The following UTRN variants were observed in gnomAD, a reference collection of about 807,000 sequenced individuals.
UTRN encodes utrophin, also known as dystrophin-related protein 1.
In UTRN, 283 loss-of-function variants were observed where a neutral mutation model predicts 463.9. The ratio of observed to expected loss-of-function variants is 0.61; its 90% CI spans 0.55 to 0.67. UTRN has a LOEUF of 0.67. UTRN is among the 30% of genes least tolerant of loss of function. UTRN has a pLI of 0.00. For missense variants in UTRN, 3,922 were observed against 4,084.3 expected, an observed-to-expected ratio of 0.96 and a Z score of 1.08; for synonymous variants, 1,442 against 1,431.5, an observed-to-expected ratio of 1.01 and a Z score of -0.17.
intron 46 of UTRN, among the ~76,000 whole-genome samples, chr6:144,544,243 A>G (rs749135705): frequency 6.6e-6 from 1 of 152,222 alleles, no homozygotes; most frequent in Non-Finnish European, 1.5e-5. Flanking sequence ...GTTTTAATTC[A>G]GTTCCTTCTT....
chr6:144,490,030 A>G (rs1434203203), intron 30 of UTRN, 41 bp from the exon 31 acceptor site: 2 of 1,583,072 alleles, frequency 1.3e-6, no homozygotes, highest in Non-Finnish European at 8.5e-7. Context: ...ACTTAAGTAA[A>G]AAAAAAAGGA....
intron 2 of UTRN, among the ~76,000 whole-genome samples, chr6:144,368,419 A>T (rs552806934): frequency 2.6e-5 from 4 of 152,206 alleles, no homozygotes; most frequent in East Asian, 3.8e-4. Flanking sequence ...TAATTTTTAT[A>T]TGCTAGATTC....
intron 53 of UTRN, among the ~76,000 whole-genome samples, chr6:144,705,850 A>G (rs1785038274): frequency 6.6e-6 from 1 of 151,764 alleles, no homozygotes; most frequent in African/African-American, 2.4e-5. Flanking sequence ...TGCCAAGAGT[A>G]ATGTTTTAAA....
chr6:144,474,486 G>A (rs975256349), intron 24 of UTRN, 118 bp from the exon 25 acceptor site: 2 of 1,071,396 alleles, frequency 1.9e-6, no homozygotes, highest in Non-Finnish European at 2.6e-6. Context: ...GTAGTTAGAA[G>A]TACTGACTCT....
chr6:144,701,071 T>C (rs533776752), intron 53 of UTRN, among the ~76,000 whole-genome samples: 7 of 152,276 alleles, frequency 4.6e-5, no homozygotes, highest in African/African-American at 1.4e-4. Context: ...CATGCCCGGC[T>C]AATTTTTGTA....
At chr6:144,503,875 G>A (rs185968977) in intron 34 of UTRN, among the ~76,000 whole-genome samples, 32 of 152,200 alleles carry the variant, frequency 2.1e-4, no homozygotes, top group Non-Finnish European at 1.3e-4. Flanking sequence ...TCCTATCCAC[G>A]AGCATGGAAT....
At chr6:144,372,741 G>A (rs909240121) in intron 2 of UTRN, among the ~76,000 whole-genome samples, 3 of 152,134 alleles carry the variant, frequency 2.0e-5, no homozygotes, top group Non-Finnish European at 4.4e-5. Context: ...GACCTCAGGT[G>A]ATATGCTCAC....
At chr6:144,315,985 C>T (rs970437995) in intron 2 of UTRN, among the ~76,000 whole-genome samples, 3 of 152,160 alleles carry the variant, frequency 2.0e-5, no homozygotes, top group African/African-American at 7.2e-5. Context: ...ATGGAAGAGG[C>T]AGCTAGAGGA....
At chr6:144,390,682 G>A (rs1031764465) in intron 2 of UTRN, among the ~76,000 whole-genome samples, 24 of 152,036 alleles carry the variant, frequency 1.6e-4, no homozygotes, top group Admixed American at 1.3e-3. Context: ...CCATTTTTAC[G>A]TGCCCCAAAC....
Position 144,447,592 on chromosome 6 carries a change from G to C in UTRN, c.1723-10G>C, listed in dbSNP as rs1195843654. On this transcript the variant is annotated splice_polypyrimidine_tract_variant and intron_variant, in intron 15 of 74. Transcript: ENST00000367545. The stretch of plus-strand genomic sequence containing the variant: ...AAAAAGAGTCATCTAATAAATATCT[G>C]AAATACTAGATTTTGAAGGAAGACA... The C allele has an allele frequency of 6.2e-7, 1 of 1,611,106 alleles. No individual in the cohort carries two copies. The highest frequency in any genetic ancestry group is 1.3e-5 in the African/African-American group (1 of 74,776).
At chr6:144,818,349 C>T (rs781168945) in intron 65 of UTRN, among the ~76,000 whole-genome samples, 3 of 149,580 alleles carry the variant, frequency 2.0e-5, no homozygotes, top group Non-Finnish European at 3.0e-5. Context: ...TTTTTTTTAA[C>T]TTTATGAATT....
At chr6:144,330,789 T>C (rs1040407341) in intron 2 of UTRN, 3 of 982,884 alleles carry the variant, frequency 3.1e-6, no homozygotes, top group Non-Finnish European at 3.6e-6. Flanking sequence ...GTCCGGGCAG[T>C]TGGGGAGGAA....
At chr6:144,586,931 AC>A (rs1249487778) in intron 51 of UTRN, among the ~76,000 whole-genome samples, 5 of 151,884 alleles carry the variant, frequency 3.3e-5, no homozygotes, top group Non-Finnish European at 4.4e-5. Flanking sequence ...GGTTTTAGTC[AC>A]CCCCCAAACT....
chr6:144,367,354 T>G (rs989505266), intron 2 of UTRN, among the ~76,000 whole-genome samples: 1 of 151,750 alleles, frequency 6.6e-6, no homozygotes, highest in African/African-American at 2.4e-5. Context: ...AAAAAATCCT[T>G]CCAAGATAAT....
intron 2 of UTRN, among the ~76,000 whole-genome samples, chr6:144,370,856 T>C (rs987735825): frequency 1.3e-5 from 2 of 152,230 alleles, no homozygotes; most frequent in African/African-American, 4.8e-5. Context: ...ATGATTTGAC[T>C]GTCCTCCTGG....
At position 144,453,781 on chromosome 6, in the gene UTRN, G is replaced by C. The variant is rs764560444; in HGVS notation, c.2197-1G>C. On this transcript the variant is annotated splice_acceptor_variant, in intron 18 of 74. Transcript: ENST00000367545. LOFTEE classifies it high-confidence loss of function. ...TTCTTATGTTGGGACTTCATTTGCAGGCATTAGAAAAAGAACAGAGAGAAA... is the reference window on the plus strand; with the variant it reads ...TTCTTATGTTGGGACTTCATTTGCACGCATTAGAAAAAGAACAGAGAGAAA... The C allele has an allele frequency of 1.2e-6, 2 of 1,611,858 alleles. No individual in the cohort carries two copies. The highest frequency in any genetic ancestry group is 1.3e-5 in the African/African-American group (1 of 74,934).
chr6:144,523,912 T>C (rs917631093), intron 41 of UTRN, among the ~76,000 whole-genome samples: 3 of 152,180 alleles, frequency 2.0e-5, no homozygotes, highest in African/African-American at 4.8e-5. Context: ...TTTTGAGCCT[T>C]CTTACTAGAT....
chr6:144,809,012 G>T (rs1368148936), intron 65 of UTRN, among the ~76,000 whole-genome samples: 1 of 151,952 alleles, frequency 6.6e-6, no homozygotes, highest in Non-Finnish European at 1.5e-5. Flanking sequence ...TATTTTCTTT[G>T]GATATGTACC....
At chr6:144,625,670 A>T (rs1399191537) in intron 51 of UTRN, among the ~76,000 whole-genome samples, 1 of 152,344 alleles carries the variant, frequency 6.6e-6, no homozygotes, top group East Asian at 1.9e-4. Context: ...GCAAATACTT[A>T]TGAATTGATT....
Sources: allele counts gnomAD v4.1 joint callset (sites outside exome capture counted in the v4.1 genomes callset), GRCh38; gene constraint gnomAD v4.1.1; transcripts MANE v1.5; gene names NCBI Gene and HGNC (gene_info 2026-07-23, HGNC 2026-07-21).